TAF3: variants seen among roughly 807,000 people sequenced by gnomAD.
TAF3 encodes transcription initiation factor TFIID subunit 3.
A neutral mutation model predicts 80.6 loss-of-function variants in TAF3; 7 were observed. The ratio of observed to expected loss-of-function variants is 0.09; its 90% CI spans 0.05 to 0.16. TAF3 has a LOEUF of 0.16. Among genes scored for constraint, TAF3 ranks in the 10% least tolerant of loss-of-function variants. The probability of loss-of-function intolerance (pLI) is 1.00; values close to 1 mark genes in which losing one functional copy is unlikely to be tolerated. For missense variants in TAF3, 921 were observed against 1,140.2 expected, an observed-to-expected ratio of 0.81 and a Z score of 2.77; for synonymous variants, 444 against 446.1, an observed-to-expected ratio of 1.00 and a Z score of 0.06.
intron 2 of TAF3, among the ~76,000 whole-genome samples, chr10:7,861,407 A>C (rs570321148): frequency 6.6e-6 from 1 of 152,150 alleles, no homozygotes; most frequent in South Asian, 2.1e-4. Flanking sequence ...CACCCAGCCA[A>C]CAGGAGCCTT....
intron 2 of TAF3, among the ~76,000 whole-genome samples, chr10:7,961,303 G>A (rs1838187691): frequency 6.6e-6 from 1 of 152,222 alleles, no homozygotes; most frequent in South Asian, 2.1e-4. Flanking sequence ...ATCGCGAATC[G>A]GTAGCATAAT....
chr10:7,907,924 G>T (rs1312883245), intron 2 of TAF3, among the ~76,000 whole-genome samples: 1 of 152,198 alleles, frequency 6.6e-6, no homozygotes, highest in Non-Finnish European at 1.5e-5. Context: ...AGCAGGAGTC[G>T]ATGGGGACTG....
intron 4 of TAF3, among the ~76,000 whole-genome samples, chr10:7,987,662 G>C (rs1831791411): frequency 6.6e-6 from 1 of 152,192 alleles, no homozygotes; most frequent in Non-Finnish European, 1.5e-5. Context: ...CGTACATGAG[G>C]ATGAAATGAC....
Position 7,996,352 on chromosome 10 carries a change from G to A in TAF3, c.2316-12726G>A, listed in dbSNP as rs570888828. On this transcript the variant is annotated intron_variant, in intron 4 of 6. Transcript: ENST00000344293. ...AGTGTAGCTGGCTGTCCCCATAGAAGCCACAGCCTGTTTTATGACCTATCC... is the reference window on the plus strand; with the variant it reads ...AGTGTAGCTGGCTGTCCCCATAGAAACCACAGCCTGTTTTATGACCTATCC... Among the ~76,000 whole-genome samples the A allele has an allele frequency of 1.5e-4, 23 of 152,268 alleles. 1 individual carries two copies. The South Asian group carries it at 4.8e-3, about 32-fold the overall frequency.
chr10:8,009,056 C>T lies in TAF3; in HGVS notation c.2316-22C>T. On this transcript the variant is annotated intron_variant, in intron 4 of 6. Transcript: ENST00000344293. The surrounding 1 kb of genome is among the most constrained non-coding windows in gnomAD (Gnocchi z 4.1). Reference sequence around the variant, plus strand: ...GATGATGATCCTGTTTTGACTTTTACCTTCTCTTCTTTTGTTGACAGTGTC... The same window carrying T: ...GATGATGATCCTGTTTTGACTTTTATCTTCTCTTCTTTTGTTGACAGTGTC... The T allele has an allele frequency of 1.3e-6, 2 of 1,590,514 alleles. No homozygotes were observed. The highest frequency in any genetic ancestry group is 2.3e-5 in the East Asian group (1 of 43,672).
At chr10:7,858,271 A>G (rs1004761551) in intron 2 of TAF3, among the ~76,000 whole-genome samples, 10 of 152,224 alleles carry the variant, frequency 6.6e-5, no homozygotes, top group Admixed American at 2.6e-4. Flanking sequence ...ACTGGTCTGC[A>G]GGTCATCAAA....
chr10:8,006,285 AGAATCACTT>A (rs1243634195), intron 4 of TAF3, among the ~76,000 whole-genome samples: 4 of 151,884 alleles, frequency 2.6e-5, no homozygotes, highest in African/African-American at 9.7e-5. Context: ...CTAAGGCGGG[AGAATCACTT>A]GAACCCAGGA....
intron 3 of TAF3, among the ~76,000 whole-genome samples, chr10:7,969,085 C>T (rs1467596524): frequency 1.3e-5 from 2 of 152,124 alleles, no homozygotes; most frequent in Non-Finnish European, 2.9e-5. Context: ...AGGAGGATTA[C>T]TTGAGGCCAG....
chr10:8,008,710 G>C (rs1390606101), intron 4 of TAF3, among the ~76,000 whole-genome samples: 1 of 151,996 alleles, frequency 6.6e-6, no homozygotes, highest in African/African-American at 2.4e-5. Context: ...AGCAGCCCCT[G>C]TCAGGCCCCC....
At chr10:7,944,196 T>G (rs1412336234) in intron 2 of TAF3, among the ~76,000 whole-genome samples, 2 of 151,792 alleles carry the variant, frequency 1.3e-5, no homozygotes, top group Non-Finnish European at 1.5e-5. Flanking sequence ...ATTGTCAATT[T>G]TATTTTCTGT....
chr10:7,863,646 T>TATATATACAC (rs1196114441), intron 2 of TAF3, among the ~76,000 whole-genome samples: 1 of 76,816 alleles, frequency 1.3e-5, no homozygotes, highest in Admixed American at 1.8e-4. Context: ...TATATATATA[T>TATATATACAC]ACACACACAC....
intron 2 of TAF3, among the ~76,000 whole-genome samples, chr10:7,831,672 C>G (rs903275466): frequency 1.3e-5 from 2 of 152,066 alleles, no homozygotes; most frequent in Admixed American, 6.6e-5. Context: ...CATATTGTAG[C>G]TTTAATTGTT....
intron 2 of TAF3, among the ~76,000 whole-genome samples, chr10:7,865,436 G>A (rs1177465387): frequency 7.2e-5 from 11 of 152,230 alleles, no homozygotes; most frequent in Admixed American, 1.3e-4. Context: ...CCGAGATCGC[G>A]CCTCTGCACT....
At chr10:7,939,584 A>T (rs1430141450) in intron 2 of TAF3, among the ~76,000 whole-genome samples, 3 of 61,556 alleles carry the variant, frequency 4.9e-5, no homozygotes, top group Non-Finnish European at 1.4e-4. Context: ...AACTACACAC[A>T]CACACACACA....
At chr10:7,825,412 C>T (rs1016520629) in intron 2 of TAF3, among the ~76,000 whole-genome samples, 2 of 152,150 alleles carry the variant, frequency 1.3e-5, no homozygotes, top group African/African-American at 2.4e-5. Context: ...CATTGTTATT[C>T]AGCCATCATC....
At chr10:7,985,025 A>AT (rs2131424410) in intron 4 of TAF3, among the ~76,000 whole-genome samples, 2 of 152,334 alleles carry the variant, frequency 1.3e-5, no homozygotes, top group East Asian at 3.9e-4. Context: ...CTGTGTTCAG[A>AT]TACTTACATA....
chr10:7,952,047 A>G (rs1838087682), intron 2 of TAF3, among the ~76,000 whole-genome samples: 1 of 152,346 alleles, frequency 6.6e-6, no homozygotes, highest in Non-Finnish European at 1.5e-5. Context: ...ACTGTATCCT[A>G]TGCATAGTCT....
At chr10:7,842,986 C>A (rs1221011964) in intron 2 of TAF3, among the ~76,000 whole-genome samples, 1 of 152,180 alleles carries the variant, frequency 6.6e-6, no homozygotes, top group Non-Finnish European at 1.5e-5. Flanking sequence ...TCTTTCTAAT[C>A]TGGGAATTCT....
chr10:7,875,293 C>T (rs1037657273), intron 2 of TAF3, among the ~76,000 whole-genome samples: 3 of 151,576 alleles, frequency 2.0e-5, no homozygotes, highest in African/African-American at 7.3e-5. Context: ...AAATTGTAAA[C>T]TTTTTTTTTA....
Sources: gnomAD v4.1 joint callset for allele counts (sites outside exome capture counted in the v4.1 genomes callset) on GRCh38, gnomAD v4.1.1 for gene constraint, Gnocchi (gnomAD v3.1) non-coding constraint, MANE v1.5 for transcripts, NCBI Gene and HGNC (gene_info 2026-07-23, HGNC 2026-07-21) for gene names.